The following GULP1 variants were observed in gnomAD, a reference collection of about 807,000 sequenced individuals.
GULP1 encodes GULP PTB domain containing engulfment adaptor 1.
A neutral mutation model predicts 40.9 loss-of-function variants in GULP1; 19 were observed. The observed-to-expected ratio is 0.46, with a 90% confidence interval of 0.32 to 0.68. The LOEUF is 0.68. GULP1 is among the 30% of genes least tolerant of loss of function. The pLI is 0.03. For synonymous variants in GULP1, 119 were observed against 117.6 expected, an observed-to-expected ratio of 1.01 and a Z score of -0.08; for missense variants, 312 against 362.2, an observed-to-expected ratio of 0.86 and a Z score of 1.12.
intron 4 of GULP1, among the ~76,000 whole-genome samples, chr2:188,504,236 A>G (rs987397793): frequency 2.6e-5 from 4 of 151,944 alleles, no homozygotes; most frequent in Non-Finnish European, 5.9e-5. Context: ...GAAAAATAAA[A>G]CTGACACGAT....
intron 2 of GULP1, among the ~76,000 whole-genome samples, chr2:188,471,040 C>G (rs1176736525): frequency 6.6e-6 from 1 of 152,036 alleles, no homozygotes; most frequent in Non-Finnish European, 1.5e-5. Flanking sequence ...GTATTGGAGT[C>G]TAACTCTATA....
chr2:188,497,410 C>T (rs1352858774), intron 4 of GULP1, among the ~76,000 whole-genome samples: 1 of 151,812 alleles, frequency 6.6e-6, no homozygotes, highest in Non-Finnish European at 1.5e-5. Context: ...TTTCTATGAC[C>T]ACCAATATAA....
At chr2:188,576,802 CTTT>C (rs954662634) in intron 9 of GULP1, among the ~76,000 whole-genome samples, 19 of 152,110 alleles carry the variant, frequency 1.2e-4, no homozygotes, top group African/African-American at 4.6e-4. Context: ...GTGCTGTTTG[CTTT>C]TTGCTGTGTT....
chr2:188,339,742 T>C (rs1032564983), intron 1 of GULP1, among the ~76,000 whole-genome samples: 3 of 152,190 alleles, frequency 2.0e-5, no homozygotes, highest in African/African-American at 7.2e-5. Flanking sequence ...GCTTTGTCTT[T>C]TGATATATTT....
At chr2:188,443,965 T>C (rs1030764341) in intron 2 of GULP1, among the ~76,000 whole-genome samples, 4 of 152,162 alleles carry the variant, frequency 2.6e-5, no homozygotes, top group African/African-American at 9.7e-5. Flanking sequence ...TTTTTTTCCA[T>C]TCCAAAAATA....
chr2:188,308,838 C>T (rs2037578018), intron 1 of GULP1, among the ~76,000 whole-genome samples: 1 of 152,044 alleles, frequency 6.6e-6, no homozygotes, highest in Non-Finnish European at 1.5e-5. Context: ...AAGATAATGG[C>T]CCGAACCTTG....
intron 6 of GULP1, among the ~76,000 whole-genome samples, chr2:188,540,759 G>T (rs1295979865): frequency 6.6e-6 from 1 of 152,086 alleles, no homozygotes; most frequent in South Asian, 2.1e-4. Context: ...CTAGTAAACA[G>T]CAGTGAGATA....
intron 1 of GULP1, among the ~76,000 whole-genome samples, chr2:188,294,693 A>G (rs2034539625): frequency 6.6e-6 from 1 of 152,200 alleles, no homozygotes; most frequent in South Asian, 2.1e-4. Context: ...CACTTTGTGA[A>G]TCACCCTCAG....
intron 2 of GULP1, among the ~76,000 whole-genome samples, chr2:188,389,848 T>C (rs113947489): frequency 2.6e-5 from 4 of 152,230 alleles, no homozygotes; most frequent in South Asian, 2.1e-4. Context: ...ACCCATAGCT[T>C]AGCCAAGCGA....
intron 1 of GULP1, among the ~76,000 whole-genome samples, chr2:188,348,502 T>C (rs1031256336): frequency 2.0e-5 from 3 of 152,190 alleles, no homozygotes. Context: ...CATATATTTA[T>C]GAAAACACCA....
At chr2:188,303,518 G>T (rs2036506288) in intron 1 of GULP1, among the ~76,000 whole-genome samples, 1 of 152,174 alleles carries the variant, frequency 6.6e-6, no homozygotes, top group Non-Finnish European at 1.5e-5. Flanking sequence ...GAAACTGTAG[G>T]TAGGAATGTT....
At chr2:188,483,585 C>A in intron 4 of GULP1, 93 bp downstream of exon 4, 1 of 487,106 alleles carries the variant, frequency 2.1e-6, no homozygotes, top group Non-Finnish European at 3.7e-6. Context: ...ATTGACATTT[C>A]CTGGTTATTG....
intron 2 of GULP1, among the ~76,000 whole-genome samples, chr2:188,408,534 A>G (rs10209337): frequency 2.0e-3 from 305 of 152,292 alleles, no homozygotes; most frequent in African/African-American, 7.0e-3. Context: ...ATATTAATAG[A>G]CCTGAAGAGA....
chr2:188,477,198 T>G (rs1292150570), intron 2 of GULP1, among the ~76,000 whole-genome samples: 1 of 152,142 alleles, frequency 6.6e-6, no homozygotes, highest in Non-Finnish European at 1.5e-5. Context: ...TAAAACAATC[T>G]TAAGTGGTAG....
chr2:188,362,356 C>G (rs10167709), intron 1 of GULP1, among the ~76,000 whole-genome samples: 26,784 of 151,832 alleles, frequency 0.18, 2,409 homozygotes, highest in South Asian at 0.23. Flanking sequence ...TGTAAAACAC[C>G]TCATATGTTT....
rs748010283 is a variant in GULP1 at position 188,522,783 on chromosome 2, C to T, written c.118C>T (p.Pro40Ser). ...KFLGSTEVEQ[P>S]KGTEVVRDAV... The stretch of plus-strand genomic sequence containing the variant: ...TCTTGGCAGTACAGAAGTGGAACAG[C>T]CAAAAGGAACAGAAGTTGTGAGAGA... The change falls in exon 5 of 12, where the codon CCA becomes TCA. Residue 40 changes from proline (P) to serine (S), a missense_variant. By Grantham distance (74) the Pro-to-Ser change is moderately conservative. Transcript: ENST00000409830. The T allele has an allele frequency of 6.2e-7, 1 of 1,611,696 alleles. No individual in the cohort carries two copies. Among genetic ancestry groups the T allele is most frequent in the South Asian group, 1.1e-5 (1 of 91,030 alleles).
intron 4 of GULP1, among the ~76,000 whole-genome samples, chr2:188,486,442 G>A (rs1174193711): frequency 6.6e-6 from 1 of 151,872 alleles, no homozygotes; most frequent in East Asian, 1.9e-4. Context: ...CTCACTTTTG[G>A]CATCCACTGG....
intron 2 of GULP1, among the ~76,000 whole-genome samples, chr2:188,439,469 T>C (rs943224607): frequency 6.6e-6 from 1 of 152,158 alleles, no homozygotes; most frequent in African/African-American, 2.4e-5. Flanking sequence ...TGAATATCTA[T>C]TGTTTGGTTA....
Position 188,361,718 on chromosome 2 carries a change from T to C in GULP1, c.-171-22045T>C, listed in dbSNP as rs143735465. On this transcript the variant is annotated intron_variant, in intron 1 of 11. Transcript: ENST00000409830. Reference sequence around the variant, plus strand: ...TTTGTTGGCGGAAAATTGACACTTATCTATTCAGCTTTTAATGACCTGGTT... The same window carrying C: ...TTTGTTGGCGGAAAATTGACACTTACCTATTCAGCTTTTAATGACCTGGTT... 3.1e-3 allele frequency among the ~76,000 whole-genome samples: 478 copies of C among 152,194 alleles called. 2 individuals carry two copies. Among genetic ancestry groups the C allele is most frequent in the African/African-American group, 0.011 (448 of 41,540 alleles).
Sources: allele counts gnomAD v4.1 joint callset (sites outside exome capture counted in the v4.1 genomes callset), GRCh38; gene constraint gnomAD v4.1.1; transcripts MANE v1.5; gene names NCBI Gene and HGNC (gene_info 2026-07-23, HGNC 2026-07-21).